The following DPYD variants were observed in gnomAD, a reference collection of about 807,000 sequenced individuals.
DPYD encodes the protein dihydropyrimidine dehydrogenase [NADP(+)].
Under a neutral mutation model 116.2 loss-of-function variants are expected in DPYD, and 109 were observed. The observed-to-expected ratio is 0.94, with a 90% CI of 0.80 to 1.10. DPYD has a LOEUF of 1.10. Ranked by LOEUF, DPYD falls within the 50% of genes least tolerant of loss-of-function variation. The pLI, the probability that DPYD is intolerant of heterozygous loss-of-function variation, is 0.00. For synonymous variants in DPYD, 440 were observed against 432.0 expected (o/e 1.02, Z -0.23); for missense variants, 1,302 against 1,254.5 (o/e 1.04, Z -0.57).
At chr1:97,392,867 C>A (rs1672789411) in intron 14 of DPYD, among the ~76,000 whole-genome samples, 1 of 152,012 alleles carries the variant, frequency 6.6e-6, no homozygotes, top group South Asian at 2.1e-4. Context: ...GTCTTGAATC[C>A]CTCACAAGGC....
chr1:97,364,915 C>A (rs563633969), intron 16 of DPYD, among the ~76,000 whole-genome samples: 1 of 152,138 alleles, frequency 6.6e-6, no homozygotes, highest in Non-Finnish European at 1.5e-5. Context: ...GCTCACCTAT[C>A]GCAGTTGGAA....
intron 1 of DPYD, among the ~76,000 whole-genome samples, chr1:97,885,998 A>G (rs1672467123): frequency 1.3e-5 from 2 of 152,052 alleles, no homozygotes; most frequent in Admixed American, 6.6e-5. Flanking sequence ...CTGCAGACTG[A>G]CTCCCATAAA....
At chr1:97,833,103 T>A (rs1021502043) in intron 2 of DPYD, among the ~76,000 whole-genome samples, 1 of 152,006 alleles carries the variant, frequency 6.6e-6, no homozygotes, top group East Asian at 1.9e-4. Flanking sequence ...TATGTTATAA[T>A]TATGATAACT....
intron 18 of DPYD, among the ~76,000 whole-genome samples, chr1:97,254,174 T>C (rs1663288980): frequency 6.6e-6 from 1 of 152,142 alleles, no homozygotes; most frequent in Non-Finnish European, 1.5e-5. Flanking sequence ...ATATGTTGAC[T>C]CCCAAACTAG....
chr1:97,450,887 A>C (rs879533838), intron 13 of DPYD, among the ~76,000 whole-genome samples: 1 of 152,156 alleles, frequency 6.6e-6, no homozygotes, highest in Non-Finnish European at 1.5e-5. Context: ...CTTGCTTGTT[A>C]AGTGTAATTA....
At chr1:97,630,904 A>G (rs1271815405) in intron 8 of DPYD, among the ~76,000 whole-genome samples, 1 of 152,130 alleles carries the variant, frequency 6.6e-6, no homozygotes, top group Non-Finnish European at 1.5e-5. Context: ...GCCCATCAAT[A>G]GGAAGTATTA....
At position 97,551,537 on chromosome 1, in the gene DPYD, A is replaced by G. The variant is rs184400018; in HGVS notation, c.1340-1793T>C. 1.5e-3 allele frequency among the ~76,000 whole-genome samples: 225 copies of G among 152,280 alleles called. 1 individual carries two copies. Among genetic ancestry groups the G allele is most frequent in the Non-Finnish European group, 1.3e-3 (85 of 67,996 alleles). On this transcript the variant is annotated intron_variant, in intron 11 of 22. Coordinates refer to ENST00000370192, the MANE Select transcript of DPYD (RefSeq NM_000110.4). The stretch of plus-strand genomic sequence containing the variant: ...TTTCCAAAACTTTGGCCTACAACAG[A>G]TCTGAAATAAAGATAATTAATAAAA...
At chr1:97,237,581 C>A (rs145449449) in intron 18 of DPYD, among the ~76,000 whole-genome samples, 29 of 152,080 alleles carry the variant, frequency 1.9e-4, no homozygotes, top group African/African-American at 7.0e-4. Context: ...ATGTTTTAAC[C>A]ATAAAAAGGC....
At chr1:97,401,009 A>G (rs563545674) in intron 14 of DPYD, among the ~76,000 whole-genome samples, 2 of 152,178 alleles carry the variant, frequency 1.3e-5, no homozygotes, top group East Asian at 3.9e-4. Flanking sequence ...TGGCTATTCT[A>G]ATAGATGTGT....
chr1:97,858,195 G>A (rs568547413), intron 2 of DPYD, among the ~76,000 whole-genome samples: 1 of 152,082 alleles, frequency 6.6e-6, no homozygotes, highest in South Asian at 2.1e-4. Flanking sequence ...ATGGAAGCTT[G>A]ATAGGACTGG....
chr1:97,613,018 C>G (rs1206502165), intron 8 of DPYD, among the ~76,000 whole-genome samples: 1 of 151,884 alleles, frequency 6.6e-6, no homozygotes, highest in Non-Finnish European at 1.5e-5. Flanking sequence ...TATTACTACC[C>G]TAAAATGCTA....
chr1:97,473,239 C>T (rs939493866), intron 13 of DPYD, among the ~76,000 whole-genome samples: 5 of 152,200 alleles, frequency 3.3e-5, no homozygotes, highest in African/African-American at 7.2e-5. Flanking sequence ...ACTTGTCTTT[C>T]TATGTCTGGC....
chr1:97,200,117 C>T (rs531551456), intron 19 of DPYD, among the ~76,000 whole-genome samples: 2 of 152,136 alleles, frequency 1.3e-5, no homozygotes, highest in Non-Finnish European at 2.9e-5. Flanking sequence ...TCAAATAGCA[C>T]ATTTTTCAAA....
chr1:97,595,610 A>T (rs1181744895), intron 8 of DPYD, among the ~76,000 whole-genome samples: 1 of 151,872 alleles, frequency 6.6e-6, no homozygotes, highest in East Asian at 1.9e-4. Flanking sequence ...AAAAAATTAA[A>T]GGAAAAAACA....
At chr1:97,683,486 T>C (rs1183686447) in intron 7 of DPYD, among the ~76,000 whole-genome samples, 1 of 151,812 alleles carries the variant, frequency 6.6e-6, no homozygotes, top group East Asian at 1.9e-4. Flanking sequence ...TAGAATTCTA[T>C]CAGAATACTT....
At chr1:97,409,057 A>G (rs563398787) in intron 14 of DPYD, among the ~76,000 whole-genome samples, 29 of 152,222 alleles carry the variant, frequency 1.9e-4, no homozygotes, top group African/African-American at 6.5e-4. Context: ...CCTTATGATC[A>G]TGTGAGTCAA....
At chr1:97,897,647 A>T (rs1252936690) in intron 1 of DPYD, among the ~76,000 whole-genome samples, 1 of 151,720 alleles carries the variant, frequency 6.6e-6, no homozygotes, top group African/African-American at 2.4e-5. Flanking sequence ...ATCTGTCTTC[A>T]ATATTATCCA....
chr1:97,500,740 T>C (rs892531056), intron 13 of DPYD, among the ~76,000 whole-genome samples: 1 of 152,212 alleles, frequency 6.6e-6, no homozygotes, highest in African/African-American at 2.4e-5. Context: ...AATTGCTCAC[T>C]GCAGAATAGC....
intron 20 of DPYD, among the ~76,000 whole-genome samples, chr1:97,188,066 T>C (rs956692065): frequency 6.6e-6 from 1 of 152,174 alleles, no homozygotes; most frequent in Non-Finnish European, 1.5e-5. Flanking sequence ...TCTTTTTTGG[T>C]TGCATATGAA....
Sources: allele counts gnomAD v4.1 joint callset (sites outside exome capture counted in the v4.1 genomes callset), GRCh38; gene constraint gnomAD v4.1.1; transcripts MANE v1.5; gene names NCBI Gene and HGNC (gene_info 2026-07-23, HGNC 2026-07-21).